The following MEAF6 variants were observed in gnomAD, a reference collection of about 807,000 sequenced individuals.
MEAF6 encodes MYST/Esa1 associated factor 6.
Under a neutral mutation model 28.9 loss-of-function variants are expected in MEAF6, and 15 were observed. The ratio of observed to expected loss-of-function variants is 0.52; its 90% confidence interval spans 0.35 to 0.80. MEAF6 has a LOEUF of 0.80. Ranked by LOEUF, MEAF6 falls within the 30% of genes least tolerant of loss-of-function variation. The pLI is 0.01. For missense variants in MEAF6, 178 were observed against 237.5 expected, an observed-to-expected ratio of 0.75 and a Z score of 1.65; for synonymous variants, 97 against 88.7, an observed-to-expected ratio of 1.09 and a Z score of -0.53.
At position 37,493,835 on chromosome 1, in the gene MEAF6, A is replaced by T. The variant is rs1557602582; in HGVS notation, c.*264T>A. The T allele has an allele frequency of 6.5e-7, 1 of 1,549,124 alleles. No individual in the cohort carries two copies. Among genetic ancestry groups the T allele is most frequent in the Non-Finnish European group, 8.7e-7 (1 of 1,146,980 alleles). On this transcript the variant is annotated 3_prime_UTR_variant, in exon 7 of 7. Transcript: ENST00000296214. The stretch of plus-strand genomic sequence containing the variant: ...TCATTCTAAGAAGGGAGAAACGCAC[A>T]GTTAGCAACTTGCTGGGATTACAAC...
chr1:37,498,297 T>C lies in MEAF6; in HGVS notation c.534-2379A>G, dbSNP rs1642184591. Among the ~76,000 whole-genome samples, 3 of 152,158 alleles carry C rather than the reference T, an allele frequency of 2.0e-5. No individual in the cohort carries two copies. The South Asian group carries it at 6.2e-4, about 32-fold the overall frequency. On this transcript the variant is annotated intron_variant, in intron 5 of 6. Coordinates refer to ENST00000296214, the MANE Select transcript of MEAF6 (RefSeq NM_001270875.3). ...TCAAATATTTCACTTTCAGCCTGAC[T>C]TGACTTTGTTCACAAATCAAAATAG...
chr1:37,511,508 T>C (rs968831410), intron 2 of MEAF6, among the ~76,000 whole-genome samples: 2 of 152,136 alleles, frequency 1.3e-5, no homozygotes, highest in Non-Finnish European at 2.9e-5. Context: ...AAGCATAACA[T>C]CCAAAATTAC....
Position 37,501,801 on chromosome 1 carries a change from G to T in MEAF6, c.533+3C>A, listed in dbSNP as rs1158441974. On this transcript the variant is annotated splice_donor_region_variant and intron_variant, in intron 5 of 6. Coordinates refer to ENST00000296214, the MANE Select transcript of MEAF6 (RefSeq NM_001270875.3). ...CTGCGGGGGTGGGATCCCTGCCACT[G>T]ACCTGTGCCGGTTTTTATTCTTTCG... 1 of 1,576,534 alleles carries T rather than the reference G, an allele frequency of 6.3e-7. No homozygotes were observed. The highest frequency in any genetic ancestry group is 8.7e-7 in the Non-Finnish European group (1 of 1,153,696).
Position 37,512,449 on chromosome 1 carries a change from G to C in MEAF6, c.206+974C>G, listed in dbSNP as rs564434600. Among the ~76,000 whole-genome samples, 3 of 152,242 alleles carry C rather than the reference G, an allele frequency of 2.0e-5. No homozygotes were observed. In the South Asian group the frequency reaches 6.2e-4, roughly 32 times the overall value. ...AAATGTCACAACACATTAACAATTT[G>C]TGAATATAGGTAGGAGGGTATCAAG... On this transcript the variant is annotated intron_variant, in intron 2 of 6. Transcript: ENST00000296214.
At chr1:37,498,409 TTTATTA>T (rs35576307) in intron 5 of MEAF6, among the ~76,000 whole-genome samples, 7,709 of 122,474 alleles carry the variant, frequency 0.063, 284 homozygotes, top group Non-Finnish European at 0.098. Context: ...TATGTTATTT[TTTATTA>T]TTATTATTAT....
intron 5 of MEAF6, 112 bp downstream of exon 5, chr1:37,501,692 T>C: frequency 9.0e-7 from 1 of 1,105,856 alleles, no homozygotes; most frequent in Non-Finnish European, 1.2e-6. Context: ...ATGACTTTCT[T>C]GCCATCAGCA....
Position 37,493,656 on chromosome 1 carries a change from G to A in MEAF6, c.*443C>T, listed in dbSNP as rs1200997317. 1 of 909,552 alleles carries A rather than the reference G, an allele frequency of 1.1e-6. No homozygotes were observed. Among genetic ancestry groups the A allele is most frequent in the Non-Finnish European group, 1.7e-6 (1 of 588,172 alleles). The allele number at this position is 909,552 out of a possible 1,614,324, so 56.3% of individuals were successfully genotyped here. A position where few individuals can be genotyped will look rare whatever the true frequency, so the allele number is the denominator to read the frequency against. On this transcript the variant is annotated 3_prime_UTR_variant, in exon 7 of 7. Transcript: ENST00000296214. ...GATAAAAACAACAAGAGAAAAACAA[G>A]AAAACATAAAACAATATAAGAAAAT...
intron 4 of MEAF6, among the ~76,000 whole-genome samples, chr1:37,505,250 T>C (rs1270308195): frequency 7.2e-5 from 11 of 152,102 alleles, no homozygotes; most frequent in African/African-American, 1.7e-4. Flanking sequence ...TTGAGTAGCA[T>C]ACGGGTACAA....
chr1:37,496,771 G>A (rs1642140565), intron 5 of MEAF6: 1 of 1,580,374 alleles, frequency 6.3e-7, no homozygotes, highest in Non-Finnish European at 8.6e-7. Flanking sequence ...GAAAGCAATA[G>A]AAATTAATAT....
intron 1 of MEAF6, 34 bp from the exon 2 acceptor site, chr1:37,513,572 C>A: frequency 1.3e-6 from 2 of 1,488,130 alleles, no homozygotes; most frequent in Non-Finnish European, 1.9e-6. Context: ...TGAATGATAC[C>A]TTTTAAATGC....
intron 6 of MEAF6, among the ~76,000 whole-genome samples, 181 bp downstream of exon 6, chr1:37,495,699 AAAAAC>A (rs1557603880): frequency 1.7e-5 from 2 of 118,272 alleles, no homozygotes; most frequent in African/African-American, 3.0e-5. Flanking sequence ...AAAAAAAACA[AAAAAC>A]AAAAAAAAAA....
rs536033955 is a variant in MEAF6, at chr1:37,512,235, A to G, written c.206+1188T>C. 2.6e-5 allele frequency among the ~76,000 whole-genome samples: 4 copies of G among 152,324 alleles called. No homozygotes were observed. In the East Asian group the frequency reaches 7.7e-4, roughly 29 times the overall value. On this transcript the variant is annotated intron_variant, in intron 2 of 6. Transcript: ENST00000296214. ...TATATATATACATTGTACCAATGTC[A>G]ATTTTCTGGCTTTGATACTGTATTA... is the stretch of plus-strand genomic sequence containing the variant.
Position 37,514,680 on chromosome 1 carries a change from C to A in MEAF6, c.67G>T (p.Val23Leu). 6.5e-7 allele frequency: 1 copy of A among 1,544,054 alleles called. No individual in the cohort carries two copies. Among genetic ancestry groups the A allele is most frequent in the African/African-American group, 1.4e-5 (1 of 70,094 alleles). ...PDTRRELAEL[V>L]KRKQELAETL... ...ACCGCCAGCTCCTGCTTCCGCTTCA[C>A]GAGCTCCGCCAGCTCCCGCCGGGTG... is the stretch of plus-strand genomic sequence containing the variant. The change falls in exon 1 of 7, where the codon GTG becomes TTG. Residue 23 changes from valine (V) to leucine (L), a missense_variant. Coordinates refer to ENST00000296214, the MANE Select transcript of MEAF6 (RefSeq NM_001270875.3).
intron 6 of MEAF6, among the ~76,000 whole-genome samples, chr1:37,495,460 T>C (rs1053516790): frequency 2.6e-5 from 4 of 151,378 alleles, no homozygotes; most frequent in Non-Finnish European, 5.9e-5. Flanking sequence ...CCCAACACTT[T>C]GGGAGGCTGG....
At position 37,494,089 on chromosome 1, in the gene MEAF6, A is replaced by T. The variant is rs770846243; in HGVS notation, c.*10T>A. 5 of 1,613,068 alleles carry T rather than the reference A, an allele frequency of 3.1e-6. No individual in the cohort carries two copies. The highest frequency in any genetic ancestry group is 4.2e-6 in the Non-Finnish European group (5 of 1,179,704). On this transcript the variant is annotated 3_prime_UTR_variant, in exon 7 of 7. Transcript: ENST00000296214. ...TCTACAGCCTGGAAGCTTCTGCACTAATGTGTCTTCTAATAGTCCTAAAGA... is the reference window on the plus strand; with the variant it reads ...TCTACAGCCTGGAAGCTTCTGCACTTATGTGTCTTCTAATAGTCCTAAAGA...
At chr1:37,512,841 A>T (rs1289582373) in intron 2 of MEAF6, among the ~76,000 whole-genome samples, 1 of 152,136 alleles carries the variant, frequency 6.6e-6, no homozygotes, top group Non-Finnish European at 1.5e-5. Flanking sequence ...GCAGTGAGCT[A>T]AGTTCGTGCT....
chr1:37,508,041 G>A (rs375842034), intron 4 of MEAF6, among the ~76,000 whole-genome samples: 3 of 151,926 alleles, frequency 2.0e-5, no homozygotes, highest in Non-Finnish European at 2.9e-5. Flanking sequence ...CAGTAATACC[G>A]AGAACAGGTC....
chr1:37,505,436 A>G (rs61779860), intron 4 of MEAF6, among the ~76,000 whole-genome samples: 15,782 of 152,242 alleles, frequency 0.1, 1,027 homozygotes, highest in South Asian at 0.17. Flanking sequence ...GGCTTTGAAT[A>G]TGGCCCAACA....
At chr1:37,494,205 A>T in intron 6 of MEAF6, 98 bp from the exon 7 acceptor site, 3 of 976,962 alleles carry the variant, frequency 3.1e-6, no homozygotes, top group Non-Finnish European at 4.8e-6. Flanking sequence ...CTACTAGGGG[A>T]CTGCTCTATA....
Sources: allele counts gnomAD v4.1 joint callset (sites outside exome capture counted in the v4.1 genomes callset), GRCh38; gene constraint gnomAD v4.1.1; transcripts MANE v1.5; gene names NCBI Gene and HGNC (gene_info 2026-07-23, HGNC 2026-07-21).